The following COMMD10 variants were observed in gnomAD, a reference collection of about 807,000 sequenced individuals.
COMMD10 encodes the protein COMM domain-containing protein 10.
In COMMD10, 33 loss-of-function variants were observed where a neutral mutation model predicts 28.9. The observed-to-expected ratio is 1.14, with a 90% CI of 0.87 to 1.53. The LOEUF is 1.53. COMMD10 is among the 40% of genes most tolerant of loss of function. COMMD10 has a pLI of 0.00. For synonymous variants in COMMD10, 110 were observed against 81.7 expected (o/e 1.35, Z -1.87); for missense variants, 310 against 233.4 (o/e 1.33, Z -2.14).
chr5:116,202,822 C>A (rs1364770743), intron 5 of COMMD10, among the ~76,000 whole-genome samples: 3 of 151,632 alleles, frequency 2.0e-5, no homozygotes, highest in Non-Finnish European at 4.4e-5. Context: ...AAAATTTTCT[C>A]CCATTCTGTA....
intron 5 of COMMD10, among the ~76,000 whole-genome samples, chr5:116,165,934 CT>C (rs1457709826): frequency 1.3e-5 from 2 of 152,126 alleles, no homozygotes; most frequent in African/African-American, 2.4e-5. Context: ...TTATCTGCCC[CT>C]GAGAGGGTGG....
chr5:116,203,758 C>G (rs375449479), intron 5 of COMMD10, among the ~76,000 whole-genome samples: 1 of 151,876 alleles, frequency 6.6e-6, no homozygotes, highest in Non-Finnish European at 1.5e-5. Context: ...CATGGAAAGG[C>G]ACAACTGGTA....
Position 116,160,177 on chromosome 5 carries a change from A to G in COMMD10, c.510+25999A>G, listed in dbSNP as rs149800742. Reference sequence around the variant, plus strand: ...ATTTTCTGCCTAAAGAGTAAATGAAACTAGAAATAGAGATATGGGAGAGAC... The same window carrying G: ...ATTTTCTGCCTAAAGAGTAAATGAAGCTAGAAATAGAGATATGGGAGAGAC... On this transcript the variant is annotated intron_variant, in intron 5 of 6. Coordinates refer to ENST00000274458, the MANE Select transcript of COMMD10 (RefSeq NM_016144.4). 2.7e-3 allele frequency among the ~76,000 whole-genome samples: 418 copies of G among 152,310 alleles called. 3 individuals carry two copies. The highest frequency in any genetic ancestry group is 9.8e-3 in the African/African-American group (409 of 41,572).
intron 4 of COMMD10, among the ~76,000 whole-genome samples, chr5:116,119,056 G>T (rs780190166): frequency 4.6e-5 from 7 of 152,100 alleles, no homozygotes; most frequent in Non-Finnish European, 8.8e-5. Flanking sequence ...TGACATTTCA[G>T]TGTCCTCAAA....
At chr5:116,163,481 T>G (rs1752989020) in intron 5 of COMMD10, among the ~76,000 whole-genome samples, 1 of 144,026 alleles carries the variant, frequency 6.9e-6, no homozygotes, top group South Asian at 2.2e-4. Flanking sequence ...TCCCAGCTAC[T>G]CAGGAGGCTG....
chr5:116,218,308 G>C (rs1749157829), intron 5 of COMMD10: 4 of 704,838 alleles, frequency 5.7e-6, no homozygotes, highest in South Asian at 4.2e-5. Flanking sequence ...TGGTGGCAGT[G>C]ATGGTGGTGG....
At chr5:116,100,462 T>A (rs1315350014) in intron 4 of COMMD10, among the ~76,000 whole-genome samples, 1 of 151,944 alleles carries the variant, frequency 6.6e-6, no homozygotes, top group African/African-American at 2.4e-5. Context: ...TTCATTTAAG[T>A]CTTTAATTCA....
At chr5:116,272,261 A>G (rs376969408) in intron 5 of COMMD10, among the ~76,000 whole-genome samples, 1 of 151,794 alleles carries the variant, frequency 6.6e-6, no homozygotes, top group African/African-American at 2.4e-5. Flanking sequence ...AGATATTTTT[A>G]AGATCAGGAA....
intron 5 of COMMD10, among the ~76,000 whole-genome samples, chr5:116,235,861 A>T (rs182439071): frequency 2.0e-5 from 3 of 152,154 alleles, no homozygotes; most frequent in Non-Finnish European, 4.4e-5. Context: ...AGTTCGCTTG[A>T]TACTTGCTCA....
At position 116,291,572 on chromosome 5, in the gene COMMD10, A is replaced by G; in HGVS notation, c.566A>G (p.Asn189Ser). Residue 189 changes from asparagine to serine, a missense_variant, in exon 6 of 7, where the codon AAC (asparagine) becomes AGC (serine). Transcript: ENST00000274458. Reference sequence around the variant, plus strand: ...CACAAGGAGTTGTTTGATTTCTATAACAAGGTCTGTATTTTTAAAATAATT... The same window carrying G: ...CACAAGGAGTTGTTTGATTTCTATAGCAAGGTCTGTATTTTTAAAATAATT... The part of the protein sequence containing the change: ...FSHKELFDFY[N>S]KLETIQAQLD... 1 of 1,561,502 alleles carries G rather than the reference A, an allele frequency of 6.4e-7. No homozygotes were observed.
intron 4 of COMMD10, among the ~76,000 whole-genome samples, chr5:116,112,170 A>G (rs1314557946): frequency 4.6e-5 from 7 of 152,126 alleles, no homozygotes; most frequent in Non-Finnish European, 1.0e-4. Context: ...TACTTCATTT[A>G]TGGAGCTTGA....
rs184501124 is a variant in COMMD10, at chr5:116,266,228, A to G, written c.511-25289A>G. ...GACTATATGAAAAAGAAAAATATTT[A>G]TACCTATGCAGACCTTTGAATGTAA... On this transcript the variant is annotated intron_variant, in intron 5 of 6. Transcript: ENST00000274458. 4.9e-4 allele frequency among the ~76,000 whole-genome samples: 74 copies of G among 151,870 alleles called. 2 individuals are homozygous for G. Among genetic ancestry groups the G allele is most frequent in the African/African-American group, 1.7e-3 (72 of 41,244 alleles).
chr5:116,141,303 T>C (rs1198067084), intron 5 of COMMD10, among the ~76,000 whole-genome samples: 1 of 151,946 alleles, frequency 6.6e-6, no homozygotes, highest in Non-Finnish European at 1.5e-5. Context: ...TTTATGCCAG[T>C]ACCATACTAT....
chr5:116,214,706 G>A (rs532905804), intron 5 of COMMD10, among the ~76,000 whole-genome samples: 48 of 151,848 alleles, frequency 3.2e-4, no homozygotes, highest in African/African-American at 1.1e-3. Flanking sequence ...ATTTATCTGC[G>A]GTTAAATTAT....
At chr5:116,271,650 A>G (rs1750760967) in intron 5 of COMMD10, among the ~76,000 whole-genome samples, 1 of 151,828 alleles carries the variant, frequency 6.6e-6, no homozygotes, top group Admixed American at 6.6e-5. Flanking sequence ...ATGGTTTCAC[A>G]TTAGTCTGGA....
chr5:116,218,450 G>A (rs1279629267), intron 5 of COMMD10, among the ~76,000 whole-genome samples: 2 of 152,128 alleles, frequency 1.3e-5, no homozygotes, highest in African/African-American at 4.8e-5. Flanking sequence ...ATTGACTATT[G>A]TGTACATTTA....
At chr5:116,260,368 A>AT (rs1315526518) in intron 5 of COMMD10, among the ~76,000 whole-genome samples, 1 of 151,796 alleles carries the variant, frequency 6.6e-6, no homozygotes, top group African/African-American at 2.4e-5. Flanking sequence ...GGTAATGTTT[A>AT]TTGTTAGTCA....
chr5:116,116,288 C>G (rs151110488), intron 4 of COMMD10, among the ~76,000 whole-genome samples: 68 of 152,158 alleles, frequency 4.5e-4, no homozygotes, highest in African/African-American at 1.6e-3. Flanking sequence ...TAAATTGTTA[C>G]TTTAAAAACT....
At chr5:116,163,303 G>A (rs965137472) in intron 5 of COMMD10, among the ~76,000 whole-genome samples, 7 of 151,438 alleles carry the variant, frequency 4.6e-5, no homozygotes, top group Non-Finnish European at 7.4e-5. Context: ...GATAAACCAG[G>A]GCCAGGCATG....
Sources: allele counts gnomAD v4.1 joint callset (sites outside exome capture counted in the v4.1 genomes callset), GRCh38; gene constraint gnomAD v4.1.1; transcripts MANE v1.5; gene names NCBI Gene and HGNC (gene_info 2026-07-23, HGNC 2026-07-21).